RFX3: variants seen among roughly 807,000 people sequenced by gnomAD.
RFX3 encodes regulatory factor X3.
A neutral mutation model predicts 98.6 loss-of-function variants in RFX3; 14 were observed. The observed-to-expected ratio is 0.14, with a 90% CI of 0.09 to 0.22. RFX3 has a LOEUF of 0.22. Among genes scored for constraint, RFX3 ranks in the 10% least tolerant of loss-of-function variants. The pLI is 1.00. For missense variants in RFX3, 639 were observed against 926.9 expected (o/e 0.69, Z 4.03); for synonymous variants, 383 against 328.4 (o/e 1.17, Z -1.80).
intron 4 of RFX3, among the ~76,000 whole-genome samples, chr9:3,314,463 A>G (rs1343803397): frequency 6.6e-6 from 1 of 152,244 alleles, no homozygotes; most frequent in Non-Finnish European, 1.5e-5. Flanking sequence ...AACTGCATCA[A>G]CTAACGAGCA....
chr9:3,255,374 A>T (rs1821987377), intron 14 of RFX3, among the ~76,000 whole-genome samples: 8 of 152,176 alleles, frequency 5.3e-5, no homozygotes, highest in Admixed American at 4.6e-4. Flanking sequence ...CCCTCCTCAC[A>T]ACTAGCTTTG....
At chr9:3,344,363 G>A (rs1834207384) in intron 3 of RFX3, among the ~76,000 whole-genome samples, 1 of 151,938 alleles carries the variant, frequency 6.6e-6, no homozygotes, top group Non-Finnish European at 1.5e-5. Flanking sequence ...TTAACCAGTT[G>A]GGCATCCTTA....
At chr9:3,337,054 G>C (rs541715249) in intron 3 of RFX3, among the ~76,000 whole-genome samples, 2 of 152,144 alleles carry the variant, frequency 1.3e-5, no homozygotes, top group African/African-American at 4.8e-5. Flanking sequence ...ATTTTGATTT[G>C]GGCTGGGATA....
At chr9:3,239,791 G>C (rs919956653) in intron 15 of RFX3, among the ~76,000 whole-genome samples, 3 of 152,328 alleles carry the variant, frequency 2.0e-5, no homozygotes, top group African/African-American at 7.2e-5. Context: ...AGTGTAAGGA[G>C]TCCACAGAGC....
chr9:3,247,855 A>G, intron 15 of RFX3, 177 bp downstream of exon 15: 1 of 1,605,652 alleles, frequency 6.2e-7, no homozygotes, highest in South Asian at 1.1e-5. Context: ...CTTTTGATTA[A>G]GCACATAAGA....
intron 1 of RFX3, among the ~76,000 whole-genome samples, chr9:3,428,970 G>A (rs1040267255): frequency 6.6e-6 from 1 of 151,338 alleles, no homozygotes; most frequent in Admixed American, 6.6e-5. Context: ...TACTCTCTAG[G>A]GCCCCAAAAA....
chr9:3,236,496 C>T (rs1328467084), intron 15 of RFX3, among the ~76,000 whole-genome samples: 1 of 152,172 alleles, frequency 6.6e-6, no homozygotes, highest in African/African-American at 2.4e-5. Flanking sequence ...GTTTCATGAG[C>T]ACCAACCCAT....
At chr9:3,327,026 A>C (rs1471259668) in intron 4 of RFX3, among the ~76,000 whole-genome samples, 1 of 152,198 alleles carries the variant, frequency 6.6e-6, no homozygotes, top group African/African-American at 2.4e-5. Flanking sequence ...AACAGTGAGA[A>C]AAACTGAACT....
intron 15 of RFX3, 103 bp downstream of exon 15, chr9:3,247,929 G>C (rs1820899576): frequency 1.2e-6 from 2 of 1,612,690 alleles, no homozygotes; most frequent in East Asian, 2.2e-5. Context: ...AGGCTGACTT[G>C]GTTAGGAACC....
chr9:3,466,462 G>C (rs1317642771), intron 1 of RFX3, among the ~76,000 whole-genome samples: 2 of 152,242 alleles, frequency 1.3e-5, no homozygotes, highest in Admixed American at 6.5e-5. Context: ...GGTTGTACGG[G>C]CTGAATTAAA....
At chr9:3,359,801 T>C (rs941758230) in intron 2 of RFX3, among the ~76,000 whole-genome samples, 1 of 152,134 alleles carries the variant, frequency 6.6e-6, no homozygotes, top group African/African-American at 2.4e-5. Flanking sequence ...TTAATACCAT[T>C]AGTGTATCAT....
intron 1 of RFX3, among the ~76,000 whole-genome samples, chr9:3,467,034 AT>A (rs200688308): frequency 0.17 from 24,483 of 142,474 alleles, 3,760 homozygotes; most frequent in African/African-American, 0.4. Flanking sequence ...AGAATTATAT[AT>A]ATATATATAT....
chr9:3,279,809 T>C (rs557357040), intron 7 of RFX3, among the ~76,000 whole-genome samples: 112 of 151,858 alleles, frequency 7.4e-4, no homozygotes, highest in Non-Finnish European at 1.1e-3. Context: ...TAATAAGGAA[T>C]CAAAATCATG....
chr9:3,397,680 T>C (rs76151614), intron 1 of RFX3, among the ~76,000 whole-genome samples: 4,040 of 152,282 alleles, frequency 0.027, 188 homozygotes, highest in African/African-American at 0.093. Context: ...CACTTTGACA[T>C]TGGCATCTTT....
rs1380959542 is a variant in RFX3 at position 3,219,979 on chromosome 9, A to C, written c.*5063T>G. The C allele has an allele frequency of 1.3e-5, 2 of 152,322 alleles. No homozygotes were observed. Among genetic ancestry groups the C allele is most frequent in the Non-Finnish European group, 2.9e-5 (2 of 68,034 alleles). 9.4% of individuals were successfully genotyped at this position (152,322 alleles called of 1,614,324 possible). ...GCAGGGAACAGAGGGAATCAAGTGC[A>C]CGAAGAGATTCCCTTGAACAAAATC... On this transcript the variant is annotated 3_prime_UTR_variant, in exon 17 of 17. Transcript: ENST00000617270.
intron 1 of RFX3, among the ~76,000 whole-genome samples, chr9:3,504,169 A>G (rs1816385276): frequency 1.0e-5 from 1 of 97,126 alleles, no homozygotes; most frequent in Non-Finnish European, 1.7e-5. Flanking sequence ...TATTATATAT[A>G]TTATATATTA....
At chr9:3,397,400 G>T (rs983655174) in intron 1 of RFX3, among the ~76,000 whole-genome samples, 1 of 152,166 alleles carries the variant, frequency 6.6e-6, no homozygotes, top group Admixed American at 6.5e-5. Flanking sequence ...TTTTAACTAA[G>T]AAATTTTTGA....
intron 15 of RFX3, among the ~76,000 whole-genome samples, chr9:3,231,388 G>A (rs953548133): frequency 3.3e-5 from 5 of 152,172 alleles, no homozygotes; most frequent in South Asian, 4.2e-4. Flanking sequence ...CATGAGATCC[G>A]CAAAATCAGT....
intron 13 of RFX3, among the ~76,000 whole-genome samples, chr9:3,257,645 G>C (rs1346429541): frequency 6.6e-6 from 1 of 152,116 alleles, no homozygotes; most frequent in African/African-American, 2.4e-5. Flanking sequence ...AAGTCAGACA[G>C]ATAAATAGAT....
Sources: gnomAD v4.1 joint callset for allele counts (sites outside exome capture counted in the v4.1 genomes callset) on GRCh38, gnomAD v4.1.1 for gene constraint, MANE v1.5 for transcripts, NCBI Gene and HGNC (gene_info 2026-07-23, HGNC 2026-07-21) for gene names.